MAML2: variants seen among roughly 807,000 people sequenced by gnomAD.
MAML2 encodes mastermind-like protein 2.
Under a neutral mutation model 96.1 loss-of-function variants are expected in MAML2, and 22 were observed. The ratio of observed to expected loss-of-function variants is 0.23; its 90% confidence interval spans 0.16 to 0.33. The LOEUF is 0.33. Among genes scored for constraint, MAML2 ranks in the 10% least tolerant of loss-of-function variants. The pLI, the probability that MAML2 is intolerant of heterozygous loss-of-function variation, is 1.00. For missense variants in MAML2, 1,367 were observed against 1,392.4 expected (o/e 0.98, Z 0.29); for synonymous variants, 561 against 521.3 (o/e 1.08, Z -1.04).
In MAML2 at chr11:96,212,953, C is replaced by T. The variant is rs187103499; in HGVS notation, c.514-119436G>A. ...TAAGACACTCTACCAGCCAGGGCCT[C>T]GGTTTCCTCATCTTACAATTAGGAG... On this transcript the variant is annotated intron_variant, in intron 1 of 4. Coordinates refer to ENST00000524717, the MANE Select transcript of MAML2 (RefSeq NM_032427.4). Among the ~76,000 whole-genome samples, 57 of 152,274 alleles carry T rather than the reference C, an allele frequency of 3.7e-4. No individual in the cohort carries two copies. The South Asian group carries it at 7.7e-3, about 20-fold the overall frequency.
chr11:96,021,240 G>A (rs1306984484), intron 2 of MAML2, among the ~76,000 whole-genome samples: 1 of 152,156 alleles, frequency 6.6e-6, no homozygotes, highest in African/African-American at 2.4e-5. Flanking sequence ...CTCTTTGAAG[G>A]AAGGACTGTA....
chr11:96,258,393 TA>T (rs1336930345), intron 1 of MAML2, among the ~76,000 whole-genome samples: 1 of 152,102 alleles, frequency 6.6e-6, no homozygotes, highest in African/African-American at 2.4e-5. Flanking sequence ...TCTAGTGCCT[TA>T]AAAAAAGAAT....
At chr11:96,159,115 C>CAATGTTTTTCCACTT (rs1555017572) in intron 1 of MAML2, among the ~76,000 whole-genome samples, 64 of 152,228 alleles carry the variant, frequency 4.2e-4, no homozygotes, top group Non-Finnish European at 8.8e-4. Flanking sequence ...GTCATAGAAA[C>CAATGTTTTTCCACTT]TTGAGTGGAA....
At chr11:96,327,317 G>T (rs181477555) in intron 1 of MAML2, among the ~76,000 whole-genome samples, 45 of 152,306 alleles carry the variant, frequency 3.0e-4, no homozygotes, top group Admixed American at 1.8e-3. Context: ...TGTCACTCCA[G>T]ACTTATCATT....
At chr11:96,133,527 C>G (rs1212895048) in intron 1 of MAML2, among the ~76,000 whole-genome samples, 1 of 152,044 alleles carries the variant, frequency 6.6e-6, no homozygotes, top group African/African-American at 2.4e-5. Context: ...GAACATTCAG[C>G]CTTCTCTTGG....
intron 1 of MAML2, among the ~76,000 whole-genome samples, chr11:96,326,763 A>AAAATAAATAAATAAATAAAT (rs146947017): frequency 1.1e-3 from 162 of 152,014 alleles, no homozygotes; most frequent in African/African-American, 3.7e-3. Context: ...AAAGTCTGTC[A>AAAATAAATAAATAAATAAAT]AAGTAAATAA....
rs529881527 is a variant in MAML2, at chr11:96,040,766, C to T, written c.2140-49043G>A. On this transcript the variant is annotated intron_variant, in intron 2 of 4. Coordinates refer to ENST00000524717, the MANE Select transcript of MAML2 (RefSeq NM_032427.4). ...TGGGCGACAGAGTGAGACTTTGTCT[C>T]AAAGAAAAACAAAACAAAAGAAACC... 7.9e-5 allele frequency among the ~76,000 whole-genome samples: 12 copies of T among 152,154 alleles called. No individual in the cohort carries two copies. The South Asian group carries it at 1.5e-3, about 18-fold the overall frequency.
chr11:96,168,631 C>T (rs1861230861), intron 1 of MAML2, among the ~76,000 whole-genome samples: 2 of 152,156 alleles, frequency 1.3e-5, no homozygotes, highest in African/African-American at 2.4e-5. Flanking sequence ...AAATACTAGT[C>T]CTTGAGAGAT....
chr11:96,194,472 G>C (rs1448390746), intron 1 of MAML2, among the ~76,000 whole-genome samples: 1 of 152,132 alleles, frequency 6.6e-6, no homozygotes, highest in East Asian at 1.9e-4. Flanking sequence ...GTTTCATTTT[G>C]TCTGAGCAAA....
At position 96,343,083 on chromosome 11, in the gene MAML2, C is replaced by G. The variant is rs1864022669; in HGVS notation, c.-1188G>C. The G allele has an allele frequency of 5.0e-6, 2 of 398,490 alleles. No homozygotes were observed. The highest frequency in any genetic ancestry group is 1.3e-4 in the South Asian group (1 of 7,856). The allele number at this position is 398,490 out of a possible 1,614,324, so 24.7% of individuals were successfully genotyped here. On this transcript the variant is annotated 5_prime_UTR_variant, in exon 1 of 5. Transcript: ENST00000524717. ...AAAAAAGTAGCTTGTATTTTCCTTT[C>G]TCTTTCTCGTCTGTTGTTAGCCGCT...
chr11:96,072,169 T>A (rs889158900), intron 2 of MAML2, among the ~76,000 whole-genome samples: 7 of 152,216 alleles, frequency 4.6e-5, no homozygotes, highest in African/African-American at 1.4e-4. Flanking sequence ...ATTTCCAACA[T>A]GCAGTGTTCT....
intron 1 of MAML2, among the ~76,000 whole-genome samples, chr11:96,171,093 C>T (rs912502734): frequency 3.3e-5 from 5 of 151,980 alleles, no homozygotes; most frequent in Admixed American, 1.3e-4. Flanking sequence ...TGTCTTTCCT[C>T]TCTCTTACCT....
intron 2 of MAML2, among the ~76,000 whole-genome samples, chr11:96,078,918 T>C (rs999833583): frequency 2.6e-5 from 4 of 152,254 alleles, no homozygotes; most frequent in African/African-American, 7.2e-5. Flanking sequence ...TTTTAAGGTG[T>C]GGAGCTTGGA....
intron 1 of MAML2, among the ~76,000 whole-genome samples, chr11:96,145,386 T>C (rs1328609920): frequency 6.6e-6 from 1 of 152,242 alleles, no homozygotes; most frequent in Non-Finnish European, 1.5e-5. Context: ...TGCAAAAATC[T>C]CTACAGAAAC....
chr11:96,085,887 T>C (rs1859602116), intron 2 of MAML2, among the ~76,000 whole-genome samples: 1 of 152,196 alleles, frequency 6.6e-6, no homozygotes, highest in African/African-American at 2.4e-5. Flanking sequence ...ATTCACTCCA[T>C]TGTGCTCTGA....
At chr11:96,194,515 G>T (rs1171290099) in intron 1 of MAML2, among the ~76,000 whole-genome samples, 1 of 152,150 alleles carries the variant, frequency 6.6e-6, no homozygotes, top group Non-Finnish European at 1.5e-5. Context: ...ACAGTTTACT[G>T]CAGGGAAAGA....
chr11:96,313,242 G>A (rs1863571667), intron 1 of MAML2, among the ~76,000 whole-genome samples: 1 of 152,122 alleles, frequency 6.6e-6, no homozygotes, highest in East Asian at 1.9e-4. Context: ...GAGACCAATA[G>A]TCTAACTCTA....
At chr11:96,147,707 G>A (rs1396331263) in intron 1 of MAML2, among the ~76,000 whole-genome samples, 1 of 152,154 alleles carries the variant, frequency 6.6e-6, no homozygotes, top group African/African-American at 2.4e-5. Flanking sequence ...GGCAAATTTT[G>A]CACCAAAGTA....
intron 1 of MAML2, among the ~76,000 whole-genome samples, chr11:96,304,336 C>A (rs895884199): frequency 2.0e-5 from 3 of 152,194 alleles, no homozygotes; most frequent in Non-Finnish European, 4.4e-5. Flanking sequence ...GATGAGGAAG[C>A]TTGGAATTTG....
Sources: gnomAD v4.1 joint callset for allele counts (sites outside exome capture counted in the v4.1 genomes callset) on GRCh38, gnomAD v4.1.1 for gene constraint, MANE v1.5 for transcripts, NCBI Gene and HGNC (gene_info 2026-07-23, HGNC 2026-07-21) for gene names.